Variants in CPNE8 observed in about 807,000 individuals in gnomAD.
CPNE8 encodes the protein copine-8.
Under a neutral mutation model 81.5 loss-of-function variants are expected in CPNE8, and 45 were observed. That is an observed-to-expected ratio of 0.55 (90% CI 0.44 to 0.71). The LOEUF is 0.71. Among genes scored for constraint, CPNE8 ranks in the 30% least tolerant of loss-of-function variants. The probability of loss-of-function intolerance (pLI) is 0.00; values close to 1 mark genes in which losing one functional copy is unlikely to be tolerated. For missense variants in CPNE8, 594 were observed against 672.1 expected, an observed-to-expected ratio of 0.88 and a Z score of 1.28; for synonymous variants, 252 against 226.3, an observed-to-expected ratio of 1.11 and a Z score of -1.02.
At chr12:38,788,256 T>A (rs559597383) in intron 6 of CPNE8, among the ~76,000 whole-genome samples, 22 of 151,970 alleles carry the variant, frequency 1.4e-4, no homozygotes, top group African/African-American at 5.3e-4. Context: ...TTAAGAAGAT[T>A]ATTCATCATG....
In CPNE8 at chr12:38,675,724, T is replaced by C. The variant is rs2136648466; in HGVS notation, c.1425A>G (p.Glu475=). 2 of 1,597,654 alleles carry C rather than the reference T, an allele frequency of 1.3e-6. No homozygotes were observed. Among genetic ancestry groups the C allele is most frequent in the Middle Eastern group, 3.3e-4 (2 of 6,028 alleles). Residue 475 remains glutamate (E), a synonymous_variant, in exon 18 of 20, where the codon GAA becomes GAG. Coordinates refer to ENST00000331366, the MANE Select transcript of CPNE8 (RefSeq NM_153634.3). ...TGAAATTTTACTACTCACCATCAAATTCTGCTGGTCCAACACCTACTATAA... is the reference window on the plus strand; with the variant it reads ...TGAAATTTTACTACTCACCATCAAACTCTGCTGGTCCAACACCTACTATAA... ...SIIIVGVGPA[E]FDAMVELDGD...
intron 6 of CPNE8, among the ~76,000 whole-genome samples, chr12:38,817,812 A>C (rs775844598): frequency 4.6e-5 from 7 of 151,836 alleles, no homozygotes; most frequent in African/African-American, 9.7e-5. Flanking sequence ...TTTAGTAGAG[A>C]CAGGGTTTCA....
At chr12:38,679,844 G>T in intron 16 of CPNE8, 1 of 316,868 alleles carries the variant, frequency 3.2e-6, no homozygotes, top group Non-Finnish European at 4.6e-6. Context: ...TAATTAACAT[G>T]CTACAGAAAT....
intron 6 of CPNE8, among the ~76,000 whole-genome samples, chr12:38,826,955 G>A (rs1455936916): frequency 6.7e-6 from 1 of 150,200 alleles, no homozygotes. Context: ...AGATCACGAG[G>A]TCAGGAGTTC....
chr12:38,775,440 A>C (rs929129895), intron 7 of CPNE8, among the ~76,000 whole-genome samples: 4 of 152,198 alleles, frequency 2.6e-5, no homozygotes, highest in African/African-American at 4.8e-5. Flanking sequence ...TTCTGTTCCT[A>C]CAATCAAGCA....
In CPNE8 at chr12:38,829,440, C is replaced by T. The variant is rs1313532466; in HGVS notation, c.346G>A (p.Val116Met). 5 of 1,612,362 alleles carry T rather than the reference C, an allele frequency of 3.1e-6. No homozygotes were observed. In the African/African-American group the frequency reaches 5.3e-5, roughly 17 times the overall value. ...ACGATCTCTCCCAATGTACAAAACA[C>T]TTGTCCCAGAAAGTCCTGAAATAGA... is the stretch of plus-strand genomic sequence containing the variant. ...NLSKHDFLGQ[V>M]FCTLGEIVGS... Residue 116 changes from valine to methionine, a missense_variant, in exon 6 of 20, where the codon GTG (valine) becomes ATG (methionine). Val to Met is a conservative substitution (Grantham distance 21). Transcript: ENST00000331366.
In CPNE8 at chr12:38,685,419, C is replaced by G. The variant is rs550433849; in HGVS notation, c.1271+71G>C. Reference sequence around the variant, plus strand: ...AACAACTTTCATGTGTGGAGTCATGCTAGCAACAATGTTATGAGTTCACCA... The same window carrying G: ...AACAACTTTCATGTGTGGAGTCATGGTAGCAACAATGTTATGAGTTCACCA... On this transcript the variant is annotated intron_variant, in intron 16 of 19. Coordinates refer to ENST00000331366, the MANE Select transcript of CPNE8 (RefSeq NM_153634.3). 38 of 1,503,490 alleles carry G rather than the reference C, an allele frequency of 2.5e-5. No homozygotes were observed. The East Asian group carries it at 8.5e-4, about 34-fold the overall frequency. The allele number at this position is 1,503,490 out of a possible 1,614,324, so 93.1% of individuals were successfully genotyped here. A position where few individuals can be genotyped will look rare whatever the true frequency, so the allele number is the denominator to read the frequency against.
intron 6 of CPNE8, among the ~76,000 whole-genome samples, chr12:38,787,160 G>A (rs1221734155): frequency 6.6e-6 from 1 of 152,030 alleles, no homozygotes; most frequent in Non-Finnish European, 1.5e-5. Flanking sequence ...TACACATCAT[G>A]TTCCTCATCA....
chr12:38,854,099 C>G (rs186528611), intron 3 of CPNE8, among the ~76,000 whole-genome samples: 1 of 152,028 alleles, frequency 6.6e-6, no homozygotes, highest in South Asian at 2.1e-4. Flanking sequence ...TACGGGAGTA[C>G]GGTAGGCAGA....
At chr12:38,902,329 AAAGAAAGAAAGAAAG>A (rs1944482901) in intron 1 of CPNE8, among the ~76,000 whole-genome samples, 1 of 71,676 alleles carries the variant, frequency 1.4e-5, no homozygotes, top group Non-Finnish European at 2.5e-5. Flanking sequence ...AGAAAGAAAG[AAAGAAAGAAAGAAAG>A]AAAGAAAGAA....
intron 5 of CPNE8, among the ~76,000 whole-genome samples, chr12:38,839,525 CAA>C (rs928688385): frequency 1.4e-5 from 2 of 145,888 alleles, no homozygotes; most frequent in East Asian, 2.0e-4. Flanking sequence ...AAACAAACTA[CAA>C]AAAAAAAACA....
chr12:38,894,618 C>T (rs547604925), intron 1 of CPNE8, among the ~76,000 whole-genome samples: 11 of 150,282 alleles, frequency 7.3e-5, no homozygotes, highest in South Asian at 2.1e-4. Context: ...GTAGTTCCCA[C>T]GTATCCCTTA....
At chr12:38,725,701 T>C (rs1315069332) in intron 11 of CPNE8, among the ~76,000 whole-genome samples, 1 of 152,146 alleles carries the variant, frequency 6.6e-6, no homozygotes, top group Non-Finnish European at 1.5e-5. Context: ...AAACACACCA[T>C]TCTAGAAAGA....
At chr12:38,891,640 T>C (rs1474448147) in intron 1 of CPNE8, among the ~76,000 whole-genome samples, 3 of 152,044 alleles carry the variant, frequency 2.0e-5, no homozygotes, top group African/African-American at 4.8e-5. Context: ...AGAGACAGGG[T>C]TCCTCCATGT....
rs1161402128 is a variant in CPNE8 at position 38,778,419 on chromosome 12, A to G, written c.408-2118T>C. ...GTTTTTTAGTATGTTATTAAAACCT[A>G]TCTAAAACTATGGGTTTCACTGTTC... is the stretch of plus-strand genomic sequence containing the variant. On this transcript the variant is annotated intron_variant, in intron 6 of 19. Coordinates refer to ENST00000331366, the MANE Select transcript of CPNE8 (RefSeq NM_153634.3). Among the ~76,000 whole-genome samples, 4 of 152,220 alleles carry G rather than the reference A, an allele frequency of 2.6e-5. No homozygotes were observed. The East Asian group carries it at 5.8e-4, about 22-fold the overall frequency.
At chr12:38,837,353 T>G (rs1943399670) in intron 5 of CPNE8, among the ~76,000 whole-genome samples, 1 of 151,974 alleles carries the variant, frequency 6.6e-6, no homozygotes, top group Admixed American at 6.6e-5. Flanking sequence ...AAGGAAAAAA[T>G]CATAAATTTT....
At position 38,732,138 on chromosome 12, in the gene CPNE8, C is replaced by A. The variant is rs148124583; in HGVS notation, c.723-1780G>T. 2.9e-3 allele frequency among the ~76,000 whole-genome samples: 442 copies of A among 151,972 alleles called. 4 individuals are homozygous for A. The highest frequency in any genetic ancestry group is 0.01 in the African/African-American group (426 of 41,508). ...CTTAAAAATGCCTGAATCACTTAAG[C>A]CCTTGTGATCATTTTCTGACTGTGC... On this transcript the variant is annotated intron_variant, in intron 10 of 19. Transcript: ENST00000331366.
intron 6 of CPNE8, among the ~76,000 whole-genome samples, chr12:38,778,030 T>G (rs1048287420): frequency 1.1e-4 from 16 of 152,188 alleles, no homozygotes; most frequent in African/African-American, 3.6e-4. Context: ...CACCCCCACA[T>G]GGGACCATCT....
chr12:38,801,362 T>A (rs1466234064), intron 6 of CPNE8, among the ~76,000 whole-genome samples: 26 of 25,270 alleles, frequency 1.0e-3, no homozygotes, highest in Non-Finnish European at 1.6e-3. Context: ...TCAACATTCT[T>A]AAAGAAAAGA....
Sources: gnomAD v4.1 joint callset for allele counts (sites outside exome capture counted in the v4.1 genomes callset) on GRCh38, gnomAD v4.1.1 for gene constraint, MANE v1.5 for transcripts, NCBI Gene and HGNC (gene_info 2026-07-23, HGNC 2026-07-21) for gene names.